The following PCDH15 variants were observed in gnomAD, a reference collection of about 807,000 sequenced individuals.
PCDH15 encodes protocadherin-15.
PCDH15 carries 129 observed loss-of-function variants against 178.5 expected under a neutral mutation model. That is an observed-to-expected ratio of 0.72 (90% CI 0.63 to 0.84). The LOEUF (loss-of-function observed/expected upper bound fraction) is 0.84, where lower values mean the gene tolerates loss of function less well. PCDH15 is among the 40% of genes least tolerant of loss of function. The pLI is 0.00. For missense variants in PCDH15, 2,230 were observed against 2,099.9 expected (o/e 1.06, Z -1.21); for synonymous variants, 800 against 732.0 (o/e 1.09, Z -1.50).
At chr10:55,286,561 A>T (rs1474288949) in intron 1 of PCDH15, among the ~76,000 whole-genome samples, 2 of 151,298 alleles carry the variant, frequency 1.3e-5, no homozygotes, top group Non-Finnish European at 3.0e-5. Flanking sequence ...ATTGAATGCC[A>T]CCTATGTTGT....
intron 2 of PCDH15, among the ~76,000 whole-genome samples, chr10:55,147,526 A>G (rs1323227810): frequency 6.6e-6 from 1 of 151,626 alleles, no homozygotes; most frequent in Non-Finnish European, 1.5e-5. Context: ...AAAAGTGTTC[A>G]GTTTCTGGAC....
At chr10:54,392,127 A>G (rs1272495261) in intron 3 of PCDH15, among the ~76,000 whole-genome samples, 2 of 152,068 alleles carry the variant, frequency 1.3e-5, no homozygotes, top group African/African-American at 4.8e-5. Context: ...TCTTTCCACT[A>G]TAAGAATTGC....
At chr10:53,995,512 A>G in intron 21 of PCDH15, 137 bp downstream of exon 21, 2 of 1,497,748 alleles carry the variant, frequency 1.3e-6, no homozygotes, top group Non-Finnish European at 1.8e-6. Flanking sequence ...TGAAATAAGT[A>G]AAAGAACATA....
At chr10:53,911,094 G>A (rs554278049) in intron 25 of PCDH15, among the ~76,000 whole-genome samples, 1 of 152,192 alleles carries the variant, frequency 6.6e-6, no homozygotes, top group African/African-American at 2.4e-5. Context: ...CACTCTTCAG[G>A]ATATCATCCA....
At chr10:55,116,637 T>G (rs929379826) in intron 2 of PCDH15, among the ~76,000 whole-genome samples, 6 of 152,150 alleles carry the variant, frequency 3.9e-5, no homozygotes, top group Non-Finnish European at 4.4e-5. Context: ...TTAGGAAATC[T>G]TATGTAATAA....
chr10:54,219,274 CAAAAAAAAAAA>C (rs995053736), intron 9 of PCDH15, among the ~76,000 whole-genome samples: 2 of 45,186 alleles, frequency 4.4e-5, no homozygotes, highest in Non-Finnish European at 8.6e-5. Context: ...GACTTTGTCT[CAAAAAAAAAAA>C]AAAAAAAAAG....
chr10:54,614,613 A>G (rs1292469654), intron 2 of PCDH15, among the ~76,000 whole-genome samples: 3 of 152,030 alleles, frequency 2.0e-5, no homozygotes, highest in Admixed American at 6.6e-5. Context: ...ATGTTTAAAC[A>G]TAATAAACAC....
chr10:55,067,195 C>A (rs1841586706), intron 2 of PCDH15, among the ~76,000 whole-genome samples: 1 of 151,938 alleles, frequency 6.6e-6, no homozygotes, highest in Admixed American at 6.6e-5. Flanking sequence ...TTTCTTCTAT[C>A]TAACTGTATG....
chr10:54,281,866 G>A (rs7918002), intron 8 of PCDH15, among the ~76,000 whole-genome samples: 109,674 of 151,832 alleles, frequency 0.72, 40,557 homozygotes, highest in Middle Eastern at 0.82. Context: ...CTGTTAATTT[G>A]AGGTAATATT....
rs140114284 is a variant in PCDH15, at chr10:55,365,091, T to C, written c.-155-198440A>G. Among the ~76,000 whole-genome samples, 300 of 152,244 alleles carry C rather than the reference T, an allele frequency of 2.0e-3. 2 individuals carry two copies. Among genetic ancestry groups the C allele is most frequent in the African/African-American group, 6.6e-3 (275 of 41,548 alleles). ...AGTTATGGTCCAGTAATTTCAACAT[T>C]TTTTTCTTCTCAGGTTTGACATCTG... On this transcript the variant is annotated intron_variant, in intron 2 of 5. Transcript: ENST00000613346.
intron 2 of PCDH15, among the ~76,000 whole-genome samples, chr10:54,541,375 T>G (rs528531571): frequency 6.6e-6 from 1 of 152,274 alleles, no homozygotes; most frequent in African/African-American, 2.4e-5. Context: ...AATCATGACT[T>G]AATATATTTC....
intron 2 of PCDH15, among the ~76,000 whole-genome samples, chr10:55,534,289 A>G (rs1841522470): frequency 6.6e-6 from 1 of 152,052 alleles, no homozygotes; most frequent in East Asian, 1.9e-4. Context: ...CAGACAACCT[A>G]AAGAATGGCA....
At chr10:55,386,643 GC>G (rs1837665974) in intron 2 of PCDH15, among the ~76,000 whole-genome samples, 1 of 151,934 alleles carries the variant, frequency 6.6e-6, no homozygotes, top group African/African-American at 2.4e-5. Flanking sequence ...TAACTATCCA[GC>G]ATGTCCATCT....
At chr10:54,680,650 T>G (rs2094882727) in intron 1 of PCDH15, among the ~76,000 whole-genome samples, 1 of 152,242 alleles carries the variant, frequency 6.6e-6, no homozygotes, top group African/African-American at 2.4e-5. Context: ...TTTTCCCCCA[T>G]ACTGTTCTTG....
intron 18 of PCDH15, among the ~76,000 whole-genome samples, chr10:54,035,996 G>C (rs2093408326): frequency 6.6e-6 from 1 of 152,058 alleles, no homozygotes; most frequent in Non-Finnish European, 1.5e-5. Context: ...GTAAGCCAAA[G>C]CCTAATCTGG....
chr10:54,117,044 A>G (rs1268671831), intron 15 of PCDH15, among the ~76,000 whole-genome samples: 7 of 152,126 alleles, frequency 4.6e-5, no homozygotes, highest in Admixed American at 1.3e-4. Flanking sequence ...TCTGCGGCCA[A>G]TGGCACCTTC....
At chr10:53,902,647 A>T (rs2082405179) in intron 26 of PCDH15, among the ~76,000 whole-genome samples, 1 of 152,152 alleles carries the variant, frequency 6.6e-6, no homozygotes, top group African/African-American at 2.4e-5. Context: ...TTATAAGAGT[A>T]ATTAGTAATA....
intron 1 of PCDH15, among the ~76,000 whole-genome samples, chr10:55,209,605 T>A (rs1840505895): frequency 6.6e-6 from 1 of 151,978 alleles, no homozygotes; most frequent in Admixed American, 6.6e-5. Flanking sequence ...GAGGAAATAA[T>A]CCAGGACCAC....
chr10:54,346,585 T>C, intron 5 of PCDH15, 101 bp from the exon 6 acceptor site: 3 of 1,400,832 alleles, frequency 2.1e-6, no homozygotes, highest in South Asian at 1.2e-5. Flanking sequence ...TAAAGGAAGA[T>C]ACCAGTTGGC....
Sources: allele counts gnomAD v4.1 joint callset (sites outside exome capture counted in the v4.1 genomes callset), GRCh38; gene constraint gnomAD v4.1.1; transcripts MANE v1.5; gene names NCBI Gene and HGNC (gene_info 2026-07-23, HGNC 2026-07-21).